The following PDXK variants were observed in gnomAD, a reference collection of about 807,000 sequenced individuals.
The protein encoded by PDXK is epididymis secretory sperm binding protein Li 1a.
Under a neutral mutation model 43.2 loss-of-function variants are expected in PDXK, and 15 were observed. The observed-to-expected ratio is 0.35, with a 90% confidence interval of 0.23 to 0.53. The LOEUF (loss-of-function observed/expected upper bound fraction) is 0.53, where lower values mean the gene tolerates loss of function less well. PDXK is among the 20% of genes least tolerant of loss of function. The probability of loss-of-function intolerance (pLI) is 0.92; values close to 1 mark genes in which losing one functional copy is unlikely to be tolerated. For synonymous variants in PDXK, 172 were observed against 165.4 expected, an observed-to-expected ratio of 1.04 and a Z score of -0.31; for missense variants, 343 against 417.0, an observed-to-expected ratio of 0.82 and a Z score of 1.54.
chr21:43,722,075 C>T (rs1316719917), intron 1 of PDXK, among the ~76,000 whole-genome samples: 1 of 152,176 alleles, frequency 6.6e-6, no homozygotes, highest in Non-Finnish European at 1.5e-5. Context: ...GGGGGGGCTG[C>T]CCAAGTCAAG....
rs879157659 is a variant in PDXK, at chr21:43,757,986, CTT to C, written c.*1938_*1939del. ...AGCCACCAGGAAAGCTTTTCTTTTTCTTTTTTTTTTTTTTTTAAACACCAAGA... is the reference window on the plus strand; with the variant it reads ...AGCCACCAGGAAAGCTTTTCTTTTTCTTTTTTTTTTTTTTAAACACCAAGA... On this transcript the variant is annotated 3_prime_UTR_variant, in exon 11 of 11. Transcript: ENST00000291565. 46 of 138,770 alleles carry C rather than the reference CTT, an allele frequency of 3.3e-4. No homozygotes were observed. Among genetic ancestry groups the C allele is most frequent in the Non-Finnish European group, 3.6e-4 (23 of 63,298 alleles). The allele number at this position is 138,770 out of a possible 1,614,324, so 8.6% of individuals were successfully genotyped here. A position where few individuals can be genotyped will look rare whatever the true frequency, so the allele number is the denominator to read the frequency against.
chr21:43,755,794 G>T (rs765672739), intron 10 of PDXK, 30 bp downstream of exon 10: 5 of 1,598,182 alleles, frequency 3.1e-6, no homozygotes, highest in Middle Eastern at 1.7e-4. Context: ...TGGGCTGCGT[G>T]GGCTCCTGGC....
rs1046811994 is a variant in PDXK at position 43,754,394 on chromosome 21, C to T, written c.759+675C>T. On this transcript the variant is annotated intron_variant, in intron 9 of 10. Transcript: ENST00000291565. This position sits in a 1 kb window ranked among gnomAD's most constrained non-coding sequence, Gnocchi z 5.5. Reference sequence around the variant, plus strand: ...TCCCATGGGTAAGCACACAGCTCAGCGGGGACAGAGGAGTTTTGTTGCAAC... The same window carrying T: ...TCCCATGGGTAAGCACACAGCTCAGTGGGGACAGAGGAGTTTTGTTGCAAC... 2.6e-5 allele frequency among the ~76,000 whole-genome samples: 4 copies of T among 152,108 alleles called. No homozygotes were observed. Among genetic ancestry groups the T allele is most frequent in the Non-Finnish European group, 2.9e-5 (2 of 68,028 alleles).
At chr21:43,740,821 C>T (rs918928922) in intron 2 of PDXK, among the ~76,000 whole-genome samples, 3 of 151,660 alleles carry the variant, frequency 2.0e-5, no homozygotes, top group South Asian at 2.1e-4. Context: ...GCTCTAATTG[C>T]ACCTTAATAA....
intron 1 of PDXK, among the ~76,000 whole-genome samples, chr21:43,727,119 C>T (rs1165070072): frequency 3.9e-5 from 6 of 152,170 alleles, no homozygotes; most frequent in South Asian, 2.1e-4. Flanking sequence ...GGGGCGGATC[C>T]GCAGAACGGG....
intron 1 of PDXK, chr21:43,729,095 C>A: frequency 2.2e-6 from 2 of 890,882 alleles, no homozygotes; most frequent in Non-Finnish European, 2.7e-6. Flanking sequence ...AATCCTGCCC[C>A]CTGGCTGCGG....
chr21:43,748,294 C>T (rs2083672804), intron 5 of PDXK: 1 of 152,186 alleles, frequency 6.6e-6, no homozygotes. Context: ...GAGTTCGAGA[C>T]CAGCCTGGCC....
chr21:43,741,465 G>GGGGGCTCGCA (rs2083525791), intron 2 of PDXK: 1 of 1,089,050 alleles, frequency 9.2e-7, no homozygotes, highest in African/African-American at 4.3e-5. Flanking sequence ...GGGGGCTCGC[G>GGGGGCTCGCA]GGGGGCTCGA....
intron 1 of PDXK, among the ~76,000 whole-genome samples, chr21:43,730,062 C>T (rs906231513): frequency 3.3e-5 from 5 of 152,040 alleles, no homozygotes; most frequent in Non-Finnish European, 5.9e-5. Context: ...CTCAGTGGAC[C>T]GTCACAGCAG....
chr21:43,735,741 C>T lies in PDXK; in HGVS notation c.142+1618C>T, dbSNP rs2083390287. Among the ~76,000 whole-genome samples the T allele has an allele frequency of 6.6e-6, 1 of 152,128 alleles. No homozygotes were observed. The highest frequency in any genetic ancestry group is 1.5e-5 in the Non-Finnish European group (1 of 67,996). On this transcript the variant is annotated intron_variant, in intron 2 of 10. Transcript: ENST00000291565. The surrounding 1 kb of genome is among the most constrained non-coding windows in gnomAD (Gnocchi z 5.3). ...GCTCCCAGCCCCCTGTACCCACACT[C>T]TCGGGGTCAGCTGTCTGTGCGGCCT...
chr21:43,749,104 CTTTA>C (rs778932228), intron 6 of PDXK, 24 bp downstream of exon 6: 55 of 1,451,232 alleles, frequency 3.8e-5, no homozygotes, highest in Middle Eastern at 3.5e-4. Context: ...TTTTATTTTA[CTTTA>C]TTTATTTATT....
rs917914922 is a variant in PDXK at position 43,755,388 on chromosome 21, G to A, written c.760-310G>A. 2.0e-5 allele frequency: 8 copies of A among 398,452 alleles called. No homozygotes were observed. The South Asian group carries it at 2.4e-4, about 12-fold the overall frequency. 24.7% of individuals were successfully genotyped at this position (398,452 alleles called of 1,614,324 possible). ...AGACTCGTTATAAGGAGTTAATTCTGGGAACTCCTACCAAGCTCCTGCTGC... is the reference window on the plus strand; with the variant it reads ...AGACTCGTTATAAGGAGTTAATTCTAGGAACTCCTACCAAGCTCCTGCTGC... On this transcript the variant is annotated intron_variant, in intron 9 of 10. Coordinates refer to ENST00000291565, the MANE Select transcript of PDXK (RefSeq NM_003681.5).
rs2083813626 is a variant in PDXK, at chr21:43,754,583, C to T, written c.759+864C>T. On this transcript the variant is annotated intron_variant, in intron 9 of 10. Transcript: ENST00000291565. This position sits in a 1 kb window ranked among gnomAD's most constrained non-coding sequence, Gnocchi z 5.5. ...TGAGGTGGTCCCCAGCCCCTGGGCT[C>T]AGCCCCCAAAACTCCCCTGGGTACT... Among the ~76,000 whole-genome samples the T allele has an allele frequency of 6.6e-6, 1 of 152,142 alleles. No individual in the cohort carries two copies. The highest frequency in any genetic ancestry group is 1.5e-5 in the Non-Finnish European group (1 of 68,018).
intron 1 of PDXK, among the ~76,000 whole-genome samples, chr21:43,725,254 C>T (rs541921114): frequency 3.6e-4 from 55 of 151,430 alleles, no homozygotes; most frequent in African/African-American, 1.2e-3. Flanking sequence ...ACCCAGGAGG[C>T]GGAGCTTGCA....
intron 1 of PDXK, chr21:43,719,948 C>T (rs2083193078): frequency 1.0e-6 from 1 of 984,480 alleles, no homozygotes; most frequent in Admixed American, 6.1e-5. Context: ...CAGGAGGTGG[C>T]CGAAGGGAAG....
At chr21:43,736,270 A>AGG (rs1163180518) in intron 2 of PDXK, among the ~76,000 whole-genome samples, 1 of 152,114 alleles carries the variant, frequency 6.6e-6, no homozygotes, top group Non-Finnish European at 1.5e-5. Flanking sequence ...CCCGCATTGT[A>AGG]GGGGCTGTTC....
At chr21:43,748,816 G>A (rs938361458) in intron 5 of PDXK, among the ~76,000 whole-genome samples, 179 bp from the exon 6 acceptor site, 3 of 152,086 alleles carry the variant, frequency 2.0e-5, no homozygotes, top group African/African-American at 7.2e-5. Flanking sequence ...AGTGTGCCTC[G>A]GCCACACGCT....
chr21:43,752,915 G>A (rs1007125953), intron 8 of PDXK, among the ~76,000 whole-genome samples: 7 of 152,136 alleles, frequency 4.6e-5, no homozygotes, highest in African/African-American at 1.2e-4. Context: ...GCGTCCACCC[G>A]GCTGTGCTGA....
intron 1 of PDXK, chr21:43,733,594 T>C: frequency 3.9e-6 from 4 of 1,018,884 alleles, no homozygotes; most frequent in South Asian, 3.6e-5. Context: ...TTTTGAGGCA[T>C]GTGTGCTGCC....
Sources: allele counts gnomAD v4.1 joint callset (sites outside exome capture counted in the v4.1 genomes callset), GRCh38; gene constraint gnomAD v4.1.1; non-coding constraint Gnocchi (gnomAD v3.1); transcripts MANE v1.5; gene names NCBI Gene and HGNC (gene_info 2026-07-23, HGNC 2026-07-21).